Variants in PAX5 observed in about 807,000 individuals in gnomAD.
The protein encoded by PAX5 is paired box 5, also known as paired box protein Pax-5.
A neutral mutation model predicts 43.7 loss-of-function variants in PAX5; 9 were observed. The observed-to-expected ratio is 0.21, with a 90% CI of 0.12 to 0.36. PAX5 has a LOEUF of 0.36. Among genes scored for constraint, PAX5 ranks in the 10% least tolerant of loss-of-function variants. The pLI is 1.00. For missense variants in PAX5, 383 were observed against 532.7 expected (o/e 0.72, Z 2.77); for synonymous variants, 228 against 214.3 (o/e 1.06, Z -0.56).
intron 5 of PAX5, among the ~76,000 whole-genome samples, chr9:36,972,536 T>C (rs753446892): frequency 2.0e-5 from 3 of 152,196 alleles, no homozygotes; most frequent in Non-Finnish European, 4.4e-5. Flanking sequence ...GCAGTCTTTA[T>C]AGGGGACTCC....
At position 36,837,793 on chromosome 9, in the gene PAX5, T is replaced by C. The variant is rs887527027; in HGVS notation, c.*2767A>G. ...GGAGGAAAGGTATGGGGGGAGCTCA[T>C]TACAGGGCAAGAAGAGGAACAGGAT... On this transcript the variant is annotated 3_prime_UTR_variant, in exon 10 of 10. Coordinates refer to ENST00000358127, the MANE Select transcript of PAX5 (RefSeq NM_016734.3). 5 of 233,258 alleles carry C rather than the reference T, an allele frequency of 2.1e-5. No individual in the cohort carries two copies. Among genetic ancestry groups the C allele is most frequent in the Non-Finnish European group, 3.4e-5 (4 of 118,094 alleles). The allele number at this position is 233,258 out of a possible 1,614,324, so 14.4% of individuals were successfully genotyped here.
At chr9:37,014,604 T>C (rs973055177) in intron 3 of PAX5, among the ~76,000 whole-genome samples, 3 of 152,190 alleles carry the variant, frequency 2.0e-5, no homozygotes, top group Non-Finnish European at 4.4e-5. Flanking sequence ...TGGGAATCTT[T>C]GAGATGGGCC....
Position 36,836,306 on chromosome 9 carries a change from C to T in PAX5, c.*4254G>A, listed in dbSNP as rs1309483541. 1.3e-5 allele frequency: 3 copies of T among 233,252 alleles called. No homozygotes were observed. The highest frequency in any genetic ancestry group is 2.5e-5 in the Non-Finnish European group (3 of 118,106). 14.4% of individuals were successfully genotyped at this position (233,252 alleles called of 1,614,324 possible). A position where few individuals can be genotyped will look rare whatever the true frequency, so the allele number is the denominator to read the frequency against. ...CCCAAGATGAGGCCTGGGAGAGTGG[C>T]AGGCTCTGGGCGTGCCCGTTTCTAC... On this transcript the variant is annotated 3_prime_UTR_variant, in exon 10 of 10. Transcript: ENST00000358127.
In PAX5 at chr9:37,012,054, CT is replaced by C. The variant is rs1838977313; in HGVS notation, c.410+2942del. Among the ~76,000 whole-genome samples the C allele has an allele frequency of 2.0e-5, 3 of 152,168 alleles. No homozygotes were observed. In the South Asian group the frequency reaches 6.2e-4, roughly 32 times the overall value. The stretch of plus-strand genomic sequence containing the variant: ...GGCAGCCGCATGAGATTGTCCTACA[CT>C]TAGTGAGCTGTCACTGAAGAGAGCA... On this transcript the variant is annotated intron_variant, in intron 3 of 9. Transcript: ENST00000358127.
intron 7 of PAX5, among the ~76,000 whole-genome samples, chr9:36,884,057 T>C (rs1826706507): frequency 6.6e-6 from 1 of 152,244 alleles, no homozygotes; most frequent in Non-Finnish European, 1.5e-5. Context: ...GTTATTCTTT[T>C]TGGCAAGTTC....
At chr9:37,012,375 A>G (rs1402059839) in intron 3 of PAX5, among the ~76,000 whole-genome samples, 1 of 152,116 alleles carries the variant, frequency 6.6e-6, no homozygotes, top group African/African-American at 2.4e-5. Flanking sequence ...TGCACTCTCC[A>G]TCTTGGCCTC....
At position 36,836,169 on chromosome 9, in the gene PAX5, G is replaced by T. The variant is rs1821626513; in HGVS notation, c.*4391C>A. The T allele has an allele frequency of 4.3e-6, 1 of 233,394 alleles. No individual in the cohort carries two copies. Among genetic ancestry groups the T allele is most frequent in the Non-Finnish European group, 8.5e-6 (1 of 118,242 alleles). 14.5% of individuals were successfully genotyped at this position (233,394 alleles called of 1,614,324 possible). ...GAGTCTCTTCCCTGCACATGTGAAA[G>T]GTGCCCAAGCAGCACTGACCTCCCC... is the stretch of plus-strand genomic sequence containing the variant. On this transcript the variant is annotated 3_prime_UTR_variant, in exon 10 of 10. Transcript: ENST00000358127.
chr9:36,975,180 G>A (rs1041207570), intron 5 of PAX5, among the ~76,000 whole-genome samples: 1 of 152,132 alleles, frequency 6.6e-6, no homozygotes, highest in East Asian at 1.9e-4. Context: ...TACAGTTAAG[G>A]AAGCTGGCAC....
intron 7 of PAX5, among the ~76,000 whole-genome samples, chr9:36,918,361 C>T (rs1829876921): frequency 6.6e-6 from 1 of 152,104 alleles, no homozygotes; most frequent in Non-Finnish European, 1.5e-5. Context: ...TTTGAGGGGT[C>T]TGGATAGAAG....
chr9:36,847,592 G>A (rs1236677997), intron 8 of PAX5, among the ~76,000 whole-genome samples: 1 of 152,248 alleles, frequency 6.6e-6, no homozygotes, highest in Non-Finnish European at 1.5e-5. Flanking sequence ...ACAGAAGAGG[G>A]AGTGGTTGGG....
Position 36,838,394 on chromosome 9 carries a change from A to C in PAX5, c.*2166T>G. The C allele has an allele frequency of 4.3e-6, 1 of 232,796 alleles. No individual in the cohort carries two copies. Among genetic ancestry groups the C allele is most frequent in the Non-Finnish European group, 8.5e-6 (1 of 117,758 alleles). The allele number at this position is 232,796 out of a possible 1,614,324, so 14.4% of individuals were successfully genotyped here. On this transcript the variant is annotated 3_prime_UTR_variant, in exon 10 of 10. Coordinates refer to ENST00000358127, the MANE Select transcript of PAX5 (RefSeq NM_016734.3). ...CAGGGAACACCATGGGTTGGGGGTC[A>C]GGAGCCCGAGTCCCAGCCCCACCCC...
rs191256896 is a variant in PAX5, at chr9:36,833,934, T to C, written c.*6626A>G. 4.6e-4 allele frequency: 108 copies of C among 232,732 alleles called. No homozygotes were observed. The Middle Eastern group carries it at 5.1e-3, about 11-fold the overall frequency. 14.4% of individuals were successfully genotyped at this position (232,732 alleles called of 1,614,324 possible). On this transcript the variant is annotated 3_prime_UTR_variant, in exon 10 of 10. Coordinates refer to ENST00000358127, the MANE Select transcript of PAX5 (RefSeq NM_016734.3). ...CACAAACTTTGGCGGATACAGTAGA[T>C]ATGTATTTCTTTGATGCTGAAAGGT...
intron 5 of PAX5, 45 bp downstream of exon 5, chr9:37,002,603 C>A: frequency 1.3e-6 from 2 of 1,584,658 alleles, no homozygotes; most frequent in Middle Eastern, 3.6e-4. Context: ...CGGAAACAGA[C>A]CCCGTGGAGC....
intron 6 of PAX5, among the ~76,000 whole-genome samples, chr9:36,949,931 C>G (rs984176354): frequency 3.3e-5 from 5 of 152,242 alleles, no homozygotes; most frequent in African/African-American, 1.2e-4. Context: ...CCACCACGAT[C>G]TTCACCTACC....
intron 6 of PAX5, among the ~76,000 whole-genome samples, chr9:36,964,099 C>T (rs973313730): frequency 6.6e-6 from 1 of 151,514 alleles, no homozygotes; most frequent in Non-Finnish European, 1.5e-5. Flanking sequence ...GCTAACACGG[C>T]GAAACCCTGC....
chr9:36,848,048 T>C (rs186773909), intron 8 of PAX5, among the ~76,000 whole-genome samples: 13 of 152,250 alleles, frequency 8.5e-5, no homozygotes, highest in African/African-American at 2.9e-4. Flanking sequence ...ATGGGAGCCC[T>C]TCCCTACTGG....
rs749063137 is a variant in PAX5, at chr9:36,846,876, C to T, written c.1066G>A (p.Asp356Asn). Residue 356 changes from aspartate to asparagine, a missense_variant, in exon 9 of 10, where the codon GAC becomes AAC. By Grantham distance (23) the Asp-to-Asn change is conservative. This residue lies in a region of PAX5 where 291 missense variants were observed against 342.5 expected (regional missense o/e 0.85). Transcript: ENST00000358127. ...YSHPQYSSYN[D>N]SWRFPNPGLL... ...CCCGGGTTGGGGAACCTCCAGGAGT[C>T]GTTGTACGAGGAATACTGAGGGTGG... 5 of 1,613,960 alleles carry T rather than the reference C, an allele frequency of 3.1e-6. No individual in the cohort carries two copies. Among genetic ancestry groups the T allele is most frequent in the South Asian group, 2.2e-5 (2 of 91,070 alleles).
intron 5 of PAX5, among the ~76,000 whole-genome samples, chr9:36,981,373 T>C (rs10123321): frequency 0.073 from 10,252 of 140,874 alleles, 374 homozygotes; most frequent in Admixed American, 0.14. Context: ...ACTAGGACAA[T>C]ACCTAGCACA....
chr9:37,012,292 G>T (rs376390111), intron 3 of PAX5, among the ~76,000 whole-genome samples: 1 of 152,312 alleles, frequency 6.6e-6, no homozygotes, highest in South Asian at 2.1e-4. Flanking sequence ...GTGGTGGAAA[G>T]AAACTAGCCC....
Sources: allele counts gnomAD v4.1 joint callset (sites outside exome capture counted in the v4.1 genomes callset), GRCh38; gene constraint gnomAD v4.1.1; regional missense constraint gnomAD v4.1.1; transcripts MANE v1.5; gene names NCBI Gene and HGNC (gene_info 2026-07-23, HGNC 2026-07-21).